The following NPR3 variants were observed in gnomAD, a reference collection of about 807,000 sequenced individuals.
The protein encoded by NPR3 is atrial natriuretic peptide receptor 3.
Under a neutral mutation model 54.5 loss-of-function variants are expected in NPR3, and 34 were observed. The ratio of observed to expected loss-of-function variants is 0.62; its 90% CI spans 0.47 to 0.83. The LOEUF is 0.83. Ranked by LOEUF, NPR3 falls within the 40% of genes least tolerant of loss-of-function variation. NPR3 has a pLI of 0.00. For missense variants in NPR3, 674 were observed against 720.8 expected (o/e 0.94, Z 0.74); for synonymous variants, 289 against 297.1 (o/e 0.97, Z 0.28).
chr5:32,704,490 C>T (rs1737934930), upstream of NPR3, among the ~76,000 whole-genome samples: 1 of 151,980 alleles, frequency 6.6e-6, no homozygotes, highest in Non-Finnish European at 1.5e-5. Context: ...CAAATGATAT[C>T]TCTATTTTAG....
intron 1 of NPR3, among the ~76,000 whole-genome samples, chr5:32,720,253 C>A (rs551026829): frequency 6.6e-6 from 1 of 152,174 alleles, no homozygotes; most frequent in Non-Finnish European, 1.5e-5. Flanking sequence ...TTAGGCTCAA[C>A]AATCAGACAT....
chr5:32,707,296 T>C (rs909727349), upstream of NPR3, among the ~76,000 whole-genome samples: 1 of 152,042 alleles, frequency 6.6e-6, no homozygotes, highest in African/African-American at 2.4e-5. Context: ...ATAAATTTAA[T>C]TAGAAAAATA....
intron 3 of NPR3, among the ~76,000 whole-genome samples, chr5:32,774,326 G>A (rs1741924140): frequency 4.6e-5 from 7 of 152,202 alleles, no homozygotes; most frequent in Admixed American, 4.6e-4. Flanking sequence ...TCGTGGGGCT[G>A]TTGAAGGTGG....
chr5:32,729,099 G>T (rs1739323287), intron 2 of NPR3, among the ~76,000 whole-genome samples: 1 of 139,274 alleles, frequency 7.2e-6, no homozygotes, highest in East Asian at 2.1e-4. Flanking sequence ...GCGGGATCTC[G>T]GCTCACTGCA....
intron 3 of NPR3, among the ~76,000 whole-genome samples, chr5:32,773,495 T>G (rs1321336535): frequency 2.0e-5 from 3 of 152,184 alleles, no homozygotes; most frequent in Non-Finnish European, 4.4e-5. Flanking sequence ...GGTGTGACCC[T>G]GTTTCTCCTG....
chr5:32,719,552 C>A (rs762464170), intron 1 of NPR3, among the ~76,000 whole-genome samples: 12 of 152,146 alleles, frequency 7.9e-5, no homozygotes, highest in Non-Finnish European at 1.0e-4. Flanking sequence ...CATTGCTTTG[C>A]TTTCCTGGAA....
At chr5:32,775,039 G>A (rs1741971890) in intron 4 of NPR3, among the ~76,000 whole-genome samples, 196 bp downstream of exon 4, 2 of 152,314 alleles carry the variant, frequency 1.3e-5, no homozygotes, top group Non-Finnish European at 2.9e-5. Context: ...AAGCCCCACT[G>A]AAAGAGGAAA....
In NPR3 at chr5:32,724,714, G is replaced by A. The variant is rs749819245; in HGVS notation, c.786G>A (p.Ala262=). ...CTCCCCTAGTGGTGATCATGTGTGC[G>A]AGCAGTGACACCATCCGGAGCATCA... ...QASERVVIMC[A]SSDTIRSIML... Residue 262 remains alanine, a synonymous_variant, in exon 2 of 8, where the codon GCG becomes GCA. Transcript: ENST00000265074. 8.1e-6 allele frequency: 13 copies of A among 1,613,784 alleles called. No individual in the cohort carries two copies. The highest frequency in any genetic ancestry group is 2.2e-5 in the East Asian group (1 of 44,888).
chr5:32,695,379 C>T (rs1008272362), intron 1 of NPR3, among the ~76,000 whole-genome samples: 3 of 152,234 alleles, frequency 2.0e-5, no homozygotes, highest in African/African-American at 7.2e-5. Flanking sequence ...ATTCTCCTGC[C>T]TCAGCCTCCG....
intron 3 of NPR3, among the ~76,000 whole-genome samples, chr5:32,744,987 GTTA>G (rs1170249166): frequency 1.3e-5 from 2 of 152,098 alleles, no homozygotes; most frequent in Admixed American, 1.3e-4. Flanking sequence ...TATTATTTTT[GTTA>G]TTATTGAATA....
chr5:32,750,822 A>G (rs1034618539), intron 3 of NPR3, among the ~76,000 whole-genome samples: 7 of 152,310 alleles, frequency 4.6e-5, no homozygotes, highest in African/African-American at 1.2e-4. Flanking sequence ...CCTTGTGGAC[A>G]TACCTGACTT....
chr5:32,701,155 G>A (rs1004024107), intron 1 of NPR3, among the ~76,000 whole-genome samples: 1 of 152,154 alleles, frequency 6.6e-6, no homozygotes, highest in African/African-American at 2.4e-5. Flanking sequence ...CACTGATGAT[G>A]AGCATTTTTT....
chr5:32,711,837 G>T lies in NPR3; in HGVS notation c.61G>T (p.Ala21Ser). ...PCVLLGWALL[A>S]GGTGGGGVGG... ...CGTACTACTCGGCTGGGCGTTGCTG[G>T]CCGGCGGCACCGGTGGCGGTGGCGT... Residue 21 changes from alanine to serine, a missense_variant, in exon 1 of 8, where the codon GCC becomes TCC. By Grantham distance (99) the Ala-to-Ser change is moderately conservative. Transcript: ENST00000265074. 6.8e-7 allele frequency: 1 copy of T among 1,460,770 alleles called. No homozygotes were observed. Among genetic ancestry groups the T allele is most frequent in the Non-Finnish European group, 9.0e-7 (1 of 1,108,018 alleles). 90.5% of individuals were successfully genotyped at this position (1,460,770 alleles called of 1,614,324 possible).
chr5:32,749,327 T>G (rs995159048), intron 3 of NPR3, among the ~76,000 whole-genome samples: 1 of 152,146 alleles, frequency 6.6e-6, no homozygotes, highest in African/African-American at 2.4e-5. Context: ...TAAAAAAAAT[T>G]TTCTTTTACT....
intron 1 of NPR3, among the ~76,000 whole-genome samples, chr5:32,697,859 T>C (rs1255270857): frequency 6.6e-6 from 1 of 152,144 alleles, no homozygotes; most frequent in African/African-American, 2.4e-5. Flanking sequence ...TCTCTGATTT[T>C]ATTTATTCAG....
Position 32,711,336 on chromosome 5 carries a change from G to C in NPR3, c.-441G>C. The C allele has an allele frequency of 2.0e-6, 2 of 987,166 alleles. No homozygotes were observed. The highest frequency in any genetic ancestry group is 2.4e-6 in the Non-Finnish European group (2 of 831,430). The allele number at this position is 987,166 out of a possible 1,614,324, so 61.2% of individuals were successfully genotyped here. On this transcript the variant is annotated 5_prime_UTR_variant, in exon 1 of 8. Coordinates refer to ENST00000265074, the MANE Select transcript of NPR3 (RefSeq NM_001204375.2). ...TCCAGGAACCGGCGCGAATCAATGA[G>C]ATCAAATGCGAGGGAGATGCACCGT...
chr5:32,712,557 C>G lies in NPR3; in HGVS notation c.769+12C>G. The G allele has an allele frequency of 6.6e-7, 1 of 1,504,524 alleles. No individual in the cohort carries two copies. The allele number at this position is 1,504,524 out of a possible 1,614,324, so 93.2% of individuals were successfully genotyped here. A position where few individuals can be genotyped will look rare whatever the true frequency, so the allele number is the denominator to read the frequency against. On this transcript the variant is annotated intron_variant, in intron 1 of 7. Transcript: ENST00000265074. Reference sequence around the variant, plus strand: ...GGCCAGTGAGAGAGGTGAGCAGGGGCGCGTCCCGGGCCCCGGGCCCTAACC... The same window carrying G: ...GGCCAGTGAGAGAGGTGAGCAGGGGGGCGTCCCGGGCCCCGGGCCCTAACC...
Position 32,786,535 on chromosome 5 carries a change from T to C in NPR3, c.*190T>C. ...TCACCATCTGCCTCCAGGCCTTTCA[T>C]CTCATGACAAACAAATATAATAATG... On this transcript the variant is annotated 3_prime_UTR_variant, in exon 8 of 8. Transcript: ENST00000265074. 1.7e-6 allele frequency: 1 copy of C among 581,536 alleles called. No homozygotes were observed. Among genetic ancestry groups the C allele is most frequent in the Non-Finnish European group, 3.0e-6 (1 of 332,196 alleles). The allele number at this position is 581,536 out of a possible 1,614,324, so 36.0% of individuals were successfully genotyped here. A position where few individuals can be genotyped will look rare whatever the true frequency, so the allele number is the denominator to read the frequency against.
chr5:32,738,939 C>G lies in NPR3; in HGVS notation c.968C>G (p.Thr323Ser). ...KQAYSSLQTV[T>S]LLRTVKPEFE... is the part of the protein sequence containing the mutation. ...GCATACTCGTCCCTCCAGACAGTCACTCTACTGAGGACAGTGAAACCTGAG... is the reference window on the plus strand; with the variant it reads ...GCATACTCGTCCCTCCAGACAGTCAGTCTACTGAGGACAGTGAAACCTGAG... Residue 323 changes from threonine (T) to serine (S), a missense_variant, in exon 3 of 8, where the codon ACT (threonine) becomes AGT (serine). By Grantham distance (58) the Thr-to-Ser change is moderately conservative (BLOSUM62 1). Coordinates refer to ENST00000265074, the MANE Select transcript of NPR3 (RefSeq NM_001204375.2). 1 of 1,613,932 alleles carries G rather than the reference C, an allele frequency of 6.2e-7. No homozygotes were observed. Among genetic ancestry groups the G allele is most frequent in the Non-Finnish European group, 8.5e-7 (1 of 1,179,840 alleles).
Sources: gnomAD v4.1 joint callset for allele counts (sites outside exome capture counted in the v4.1 genomes callset) on GRCh38, gnomAD v4.1.1 for gene constraint, MANE v1.5 for transcripts, NCBI Gene and HGNC (gene_info 2026-07-23, HGNC 2026-07-21) for gene names.